The following RPS6KA6 variants were observed in gnomAD, a reference collection of about 807,000 sequenced individuals.
RPS6KA6 encodes ribosomal protein S6 kinase A6.
In RPS6KA6, 27 loss-of-function variants were observed where a neutral mutation model predicts 65.4. That is an observed-to-expected ratio of 0.41 (90% CI 0.30 to 0.57). The LOEUF (loss-of-function observed/expected upper bound fraction) is 0.57. Among genes scored for constraint, RPS6KA6 ranks in the 20% least tolerant of loss-of-function variants. The pLI is 0.24. For missense variants in RPS6KA6, 486 were observed against 555.6 expected, an observed-to-expected ratio of 0.87 and a Z score of 1.26; for synonymous variants, 190 against 184.2, an observed-to-expected ratio of 1.03 and a Z score of -0.26.
At chrX:84,120,151 GA>G in intron 8 of RPS6KA6, 124 bp from the exon 9 acceptor site, 1 of 419,086 alleles carries the variant, frequency 2.4e-6, no homozygotes, top group East Asian at 4.3e-5. Context: ...TTACTCTTAA[GA>G]AAGTTCCTGT....
intron 1 of RPS6KA6, among the ~76,000 whole-genome samples, chrX:84,165,661 T>C (rs1202043546): frequency 9.0e-6 from 1 of 111,321 alleles, no homozygotes; most frequent in African/African-American, 3.3e-5. Flanking sequence ...CACTTTCTCT[T>C]TTTTGATGCT....
chrX:84,097,872 TG>T, intron 18 of RPS6KA6, 24 bp from the exon 19 acceptor site: 1 of 1,060,886 alleles, frequency 9.4e-7, no homozygotes, highest in Non-Finnish European at 1.3e-6. Context: ...ACTCATTATA[TG>T]GTGTTACTCA....
At chrX:84,124,196 C>T (rs2034732868) in intron 8 of RPS6KA6, among the ~76,000 whole-genome samples, 1 of 110,940 alleles carries the variant, frequency 9.0e-6, no homozygotes, top group Non-Finnish European at 1.9e-5. Context: ...ACAAACAAGC[C>T]CGGAGTCCAA....
At chrX:84,147,228 A>C (rs1278472104) in intron 4 of RPS6KA6, among the ~76,000 whole-genome samples, 170 bp from the exon 5 acceptor site, 1 of 112,082 alleles carries the variant, frequency 8.9e-6, no homozygotes, top group Non-Finnish European at 1.9e-5. Context: ...AGAAAGCAAA[A>C]ATATTCATTA....
At chrX:84,122,361 GTTTTTTTTTTTTTTTT>G (rs35459607) in intron 8 of RPS6KA6, among the ~76,000 whole-genome samples, 1 of 43,009 alleles carries the variant, frequency 2.3e-5, no homozygotes, top group South Asian at 2.3e-3. Context: ...TTTTTTTTAA[GTTTTTTTTTTTTTTTT>G]TTTTTTTTTT....
chrX:84,065,182 T>C, intron 20 of RPS6KA6, 71 bp from the exon 21 acceptor site: 1 of 743,160 alleles, frequency 1.3e-6, no homozygotes, highest in Non-Finnish European at 1.9e-6. Context: ...TTGCTGAAAA[T>C]GTGACAGCAT....
At chrX:84,081,014 A>G (rs1302200483) in intron 20 of RPS6KA6, among the ~76,000 whole-genome samples, 3 of 112,122 alleles carry the variant, frequency 2.7e-5, no homozygotes. Context: ...AAATGCCCAC[A>G]GGAGAAAGCA....
intron 2 of RPS6KA6, 91 bp from the exon 3 acceptor site, chrX:84,156,282 C>A (rs1055703402): frequency 2.4e-5 from 12 of 493,468 alleles, no homozygotes; most frequent in Non-Finnish European, 4.3e-5. Flanking sequence ...TAGAAATACC[C>A]AACTCCCTCA....
intron 1 of RPS6KA6, among the ~76,000 whole-genome samples, chrX:84,166,282 T>C (rs2035595502): frequency 8.9e-6 from 1 of 111,781 alleles, no homozygotes; most frequent in Non-Finnish European, 1.9e-5. Flanking sequence ...AACTCCAAGA[T>C]GGCTCCAAAG....
At chrX:84,155,898 A>G in intron 3 of RPS6KA6, among the ~76,000 whole-genome samples, 177 bp downstream of exon 3, 1 of 112,491 alleles carries the variant, frequency 8.9e-6, no homozygotes, top group Middle Eastern at 4.6e-3. Flanking sequence ...AGAGAAGTAC[A>G]AAGAAATGGT....
chrX:84,162,811 T>C (rs1172661854), intron 2 of RPS6KA6, among the ~76,000 whole-genome samples: 3 of 112,130 alleles, frequency 2.7e-5, no homozygotes, highest in African/African-American at 9.7e-5. Flanking sequence ...TTACTATGCC[T>C]ATTAGTCCAT....
intron 8 of RPS6KA6, among the ~76,000 whole-genome samples, 176 bp from the exon 9 acceptor site, chrX:84,120,203 C>T (rs1308843079): frequency 2.7e-5 from 3 of 111,310 alleles, no homozygotes; most frequent in Non-Finnish European, 5.7e-5. Context: ...CATAACAATA[C>T]TCTTTAAGGT....
At chrX:84,178,899 A>G (rs1233351668) in intron 1 of RPS6KA6, among the ~76,000 whole-genome samples, 1 of 108,895 alleles carries the variant, frequency 9.2e-6, no homozygotes, top group Non-Finnish European at 1.9e-5. Context: ...CACCAAAAAC[A>G]CAATTCATAA....
chrX:84,107,124 G>A, intron 13 of RPS6KA6, 84 bp from the exon 14 acceptor site: 3 of 779,750 alleles, frequency 3.8e-6, no homozygotes, highest in South Asian at 6.6e-5. Context: ...AACTATAAAG[G>A]AAACCATTAA....
At chrX:84,155,689 T>C (rs764843016) in intron 3 of RPS6KA6, among the ~76,000 whole-genome samples, 15 of 112,440 alleles carry the variant, frequency 1.3e-4, no homozygotes, top group Non-Finnish European at 2.6e-4. Context: ...TTCTGATTTC[T>C]GTGTCATAGC....
intron 1 of RPS6KA6, among the ~76,000 whole-genome samples, chrX:84,178,473 T>C (rs2035801640): frequency 8.9e-6 from 1 of 112,062 alleles, no homozygotes; most frequent in South Asian, 3.7e-4. Flanking sequence ...TTTTGTTTTT[T>C]AACAAAGAAT....
intron 8 of RPS6KA6, among the ~76,000 whole-genome samples, chrX:84,133,099 T>C (rs902481338): frequency 4.5e-5 from 5 of 112,022 alleles, no homozygotes; most frequent in East Asian, 5.6e-4. Flanking sequence ...TGTTCCATTA[T>C]TGGAACGCTA....
At position 84,063,578 on chromosome X, in the gene RPS6KA6, A is replaced by G. The variant is rs1292002388; in HGVS notation, c.*699T>C. 8.9e-6 allele frequency: 1 copy of G among 111,992 alleles called. No individual in the cohort carries two copies. The highest frequency in any genetic ancestry group is 1.9e-5 in the Non-Finnish European group (1 of 53,126). 9.2% of individuals were successfully genotyped at this position (111,992 alleles called of 1,213,427 possible). A position where few individuals can be genotyped will look rare whatever the true frequency, so the allele number is the denominator to read the frequency against. ...ATTTCCATGATGTAAAATTTACAGAAGCCTTATAAAAACCTTTATTTCTAA... is the reference window on the plus strand; with the variant it reads ...ATTTCCATGATGTAAAATTTACAGAGGCCTTATAAAAACCTTTATTTCTAA... On this transcript the variant is annotated 3_prime_UTR_variant, in exon 22 of 22. Coordinates refer to ENST00000262752, the MANE Select transcript of RPS6KA6 (RefSeq NM_014496.5).
chrX:84,148,659 T>C (rs1397102813), intron 3 of RPS6KA6, among the ~76,000 whole-genome samples: 1 of 111,495 alleles, frequency 9.0e-6, no homozygotes, highest in Non-Finnish European at 1.9e-5. Context: ...GGCCCACTTT[T>C]TGTTACCTTA....
Sources: gnomAD v4.1 joint callset for allele counts (sites outside exome capture counted in the v4.1 genomes callset) on GRCh38, gnomAD v4.1.1 for gene constraint, MANE v1.5 for transcripts, NCBI Gene and HGNC (gene_info 2026-07-23, HGNC 2026-07-21) for gene names.